SPON1: variants seen among roughly 807,000 people sequenced by gnomAD.
SPON1 encodes the protein spondin 1.
Under a neutral mutation model 111.7 loss-of-function variants are expected in SPON1, and 52 were observed. That is an observed-to-expected ratio of 0.47 (90% CI 0.37 to 0.59). The LOEUF (loss-of-function observed/expected upper bound fraction) is 0.59. SPON1 is among the 20% of genes least tolerant of loss of function. The pLI is 0.00. For synonymous variants in SPON1, 410 were observed against 395.8 expected, an observed-to-expected ratio of 1.04 and a Z score of -0.43; for missense variants, 957 against 1,068.5, an observed-to-expected ratio of 0.90 and a Z score of 1.46.
At chr11:14,223,047 T>A (rs1352460993) in intron 6 of SPON1, among the ~76,000 whole-genome samples, 1 of 152,194 alleles carries the variant, frequency 6.6e-6, no homozygotes, top group Non-Finnish European at 1.5e-5. Flanking sequence ...TCTCCATTTT[T>A]TAAAAAGCTC....
chr11:14,029,871 C>T (rs2133807863), intron 2 of SPON1, among the ~76,000 whole-genome samples: 1 of 152,296 alleles, frequency 6.6e-6, no homozygotes, highest in East Asian at 1.9e-4. Flanking sequence ...ACTTCTGGCC[C>T]ATTGAGGTAG....
intron 1 of SPON1, among the ~76,000 whole-genome samples, chr11:13,969,260 C>A (rs923150797): frequency 6.6e-6 from 1 of 150,758 alleles, no homozygotes; most frequent in African/African-American, 2.4e-5. Context: ...GTGTCTCATA[C>A]CTGTAGACCC....
chr11:14,016,541 G>A lies in SPON1; in HGVS notation c.346-24980G>A, dbSNP rs1367871475. Among the ~76,000 whole-genome samples, 6 of 151,960 alleles carry A rather than the reference G, an allele frequency of 3.9e-5. No homozygotes were observed. The East Asian group carries it at 5.8e-4, about 15-fold the overall frequency. ...TAGCAGTCAACTGAACATACTATTC[G>A]TTTATTGCAATTGGGTACTTTAAAA... On this transcript the variant is annotated intron_variant, in intron 2 of 15. Transcript: ENST00000576479.
At chr11:14,091,108 C>A (rs1375335531) in intron 5 of SPON1, among the ~76,000 whole-genome samples, 11 of 152,150 alleles carry the variant, frequency 7.2e-5, no homozygotes, top group African/African-American at 2.7e-4. Flanking sequence ...TAAAGGTTCT[C>A]CAAAGCCCCA....
intron 5 of SPON1, among the ~76,000 whole-genome samples, chr11:14,081,677 G>A (rs537852974): frequency 2.0e-5 from 3 of 152,060 alleles, no homozygotes; most frequent in East Asian, 1.9e-4. Context: ...TGGAGTTACC[G>A]CAGTTCAGGA....
At chr11:14,096,721 C>T (rs1554923913) in intron 5 of SPON1, among the ~76,000 whole-genome samples, 1 of 152,178 alleles carries the variant, frequency 6.6e-6, no homozygotes, top group Non-Finnish European at 1.5e-5. Flanking sequence ...GGAGCTTCAC[C>T]TTTCCTTATT....
At position 14,142,476 on chromosome 11, in the gene SPON1, GT is replaced by G. The variant is rs113130608; in HGVS notation, c.825+6910del. On this transcript the variant is annotated intron_variant, in intron 6 of 15. Coordinates refer to ENST00000576479, the MANE Select transcript of SPON1 (RefSeq NM_006108.4). ...ATTTGCCCTAACATTTTTTCCCAAA[GT>G]TGATCATAAGCAATTAAGGGTATAA... Among the ~76,000 whole-genome samples, 1,194 of 152,268 alleles carry G rather than the reference GT, an allele frequency of 7.8e-3. 19 individuals are homozygous for G. The highest frequency in any genetic ancestry group is 0.027 in the African/African-American group (1,138 of 41,550).
chr11:14,171,251 A>C (rs1848096077), intron 6 of SPON1, among the ~76,000 whole-genome samples: 1 of 152,068 alleles, frequency 6.6e-6, no homozygotes, highest in Admixed American at 6.5e-5. Context: ...GAATTTATCC[A>C]TTTCTTCTAG....
chr11:14,085,431 C>T (rs1188253958), intron 5 of SPON1, among the ~76,000 whole-genome samples: 1 of 151,558 alleles, frequency 6.6e-6, no homozygotes, highest in Non-Finnish European at 1.5e-5. Flanking sequence ...TTTTTTTTGT[C>T]AGATTTGTCA....
chr11:14,089,949 G>C (rs541207965), intron 5 of SPON1, among the ~76,000 whole-genome samples: 2 of 152,182 alleles, frequency 1.3e-5, no homozygotes, highest in South Asian at 2.1e-4. Flanking sequence ...TAGCACTGTC[G>C]GGGAAAACTG....
In SPON1 at chr11:14,200,814, TAAAAAAAAA is replaced by T. The variant is rs572814576; in HGVS notation, c.826-42493_826-42485del. 2.8e-4 allele frequency among the ~76,000 whole-genome samples: 22 copies of T among 79,346 alleles called. No individual in the cohort carries two copies. The South Asian group carries it at 4.9e-3, about 18-fold the overall frequency. The allele number at this position is 79,346 out of a possible 152,430, so 52.1% of individuals were successfully genotyped here. A position where few individuals can be genotyped will look rare whatever the true frequency, so the allele number is the denominator to read the frequency against. On this transcript the variant is annotated intron_variant, in intron 6 of 15. Coordinates refer to ENST00000576479, the MANE Select transcript of SPON1 (RefSeq NM_006108.4). ...TGGGTGACAGAGCAAGACCCTGTCT[TAAAAAAAAA>T]AAAAAAAAAAAAAAAAAAAAAAAAG... is the stretch of plus-strand genomic sequence containing the variant.
intron 5 of SPON1, among the ~76,000 whole-genome samples, chr11:14,129,094 G>A (rs1408494270): frequency 2.0e-5 from 3 of 151,958 alleles, no homozygotes; most frequent in African/African-American, 7.3e-5. Flanking sequence ...TGCCCTTGGA[G>A]ACATTTTCCC....
intron 6 of SPON1, among the ~76,000 whole-genome samples, chr11:14,231,757 G>A (rs1848805208): frequency 6.6e-6 from 1 of 151,894 alleles, no homozygotes; most frequent in Non-Finnish European, 1.5e-5. Context: ...ACTCTTACTT[G>A]TGACATGACT....
intron 5 of SPON1, among the ~76,000 whole-genome samples, chr11:14,117,660 A>T (rs1554926125): frequency 1.3e-5 from 2 of 152,110 alleles, no homozygotes; most frequent in Admixed American, 1.3e-4. Context: ...TTTGAGATGG[A>T]TTTTTTTCTA....
At chr11:13,995,900 G>A (rs962054197) in intron 2 of SPON1, among the ~76,000 whole-genome samples, 7 of 152,198 alleles carry the variant, frequency 4.6e-5, no homozygotes, top group Admixed American at 2.0e-4. Flanking sequence ...TAAAATTGCT[G>A]CATCTGTGCA....
intron 14 of SPON1, 101 bp downstream of exon 14, chr11:14,260,853 G>GGTTTGCTGGGGAAGAGTT (rs1849163551): frequency 1.5e-6 from 2 of 1,311,572 alleles, no homozygotes; most frequent in Non-Finnish European, 2.1e-6. Context: ...AGAATAACAT[G>GGTTTGCTGGGGAAGAGTT]GTTTGCTGGG....
intron 5 of SPON1, among the ~76,000 whole-genome samples, chr11:14,115,713 A>C (rs1165130004): frequency 2.0e-5 from 3 of 152,148 alleles, no homozygotes; most frequent in African/African-American, 4.8e-5. Flanking sequence ...GCTGTAATGA[A>C]CAGTGCTGCT....
rs551104608 is a variant in SPON1 at position 14,078,600 on chromosome 11, T to A, written c.554-1299T>A. On this transcript the variant is annotated intron_variant, in intron 4 of 15. Transcript: ENST00000576479. ...GTAGTGCAGAGATTAAGGGTATGAG[T>A]CCTGGACCCAAAAAGACCTGGCCTC... Among the ~76,000 whole-genome samples, 7 of 152,228 alleles carry A rather than the reference T, an allele frequency of 4.6e-5. No individual in the cohort carries two copies. In the South Asian group the frequency reaches 1.5e-3, roughly 32 times the overall value.
In SPON1 at chr11:14,235,708, G is replaced by A. The variant is rs12421600; in HGVS notation, c.826-7624G>A. On this transcript the variant is annotated intron_variant, in intron 6 of 15. Coordinates refer to ENST00000576479, the MANE Select transcript of SPON1 (RefSeq NM_006108.4). The stretch of plus-strand genomic sequence containing the variant: ...AAAAAAAAAAAAAAAAAAAAAAAAA[G>A]TAAGCAAAATGCACAGTCAACTGGA... Among the ~76,000 whole-genome samples, 680 of 96,646 alleles carry A rather than the reference G, an allele frequency of 7.0e-3. 9 individuals are homozygous for A. The highest frequency in any genetic ancestry group is 8.1e-3 in the South Asian group (24 of 2,972). 63.4% of individuals were successfully genotyped at this position (96,646 alleles called of 152,430 possible).
Sources: gnomAD v4.1 joint callset for allele counts (sites outside exome capture counted in the v4.1 genomes callset) on GRCh38, gnomAD v4.1.1 for gene constraint, MANE v1.5 for transcripts, NCBI Gene and HGNC (gene_info 2026-07-23, HGNC 2026-07-21) for gene names.